The following CNTNAP2 variants were observed in gnomAD, a reference collection of about 807,000 sequenced individuals.
The protein encoded by CNTNAP2 is contactin-associated protein-like 2.
A neutral mutation model predicts 155.2 loss-of-function variants in CNTNAP2; 98 were observed. The observed-to-expected ratio is 0.63, with a 90% CI of 0.54 to 0.75. The LOEUF is 0.75. CNTNAP2 is among the 30% of genes least tolerant of loss of function. The pLI is 0.00. For missense variants in CNTNAP2, 1,727 were observed against 1,688.1 expected (o/e 1.02, Z -0.40); for synonymous variants, 651 against 631.2 (o/e 1.03, Z -0.47).
chr7:146,935,207 C>G (rs1796886834), intron 3 of CNTNAP2, among the ~76,000 whole-genome samples: 2 of 152,166 alleles, frequency 1.3e-5, no homozygotes, highest in African/African-American at 2.4e-5. Flanking sequence ...GACTTCTGTA[C>G]TATCTTGAGA....
intron 13 of CNTNAP2, among the ~76,000 whole-genome samples, chr7:147,740,215 G>T (rs1304094659): frequency 2.6e-5 from 4 of 152,172 alleles, no homozygotes; most frequent in Non-Finnish European, 5.9e-5. Context: ...TTGGTAATAT[G>T]CAAGGATTTT....
At chr7:147,945,906 G>A (rs1237723790) in intron 14 of CNTNAP2, among the ~76,000 whole-genome samples, 21 of 120,782 alleles carry the variant, frequency 1.7e-4, no homozygotes, top group African/African-American at 4.2e-4. Flanking sequence ...TTACTCTGTC[G>A]CCCCAGGCTG....
intron 11 of CNTNAP2, among the ~76,000 whole-genome samples, chr7:147,553,259 A>G (rs1402583901): frequency 1.3e-5 from 2 of 152,190 alleles, no homozygotes; most frequent in Non-Finnish European, 2.9e-5. Flanking sequence ...ACCAGTGCAG[A>G]TGAATAGAGA....
At chr7:147,510,885 T>C (rs1349404937) in intron 11 of CNTNAP2, among the ~76,000 whole-genome samples, 1 of 44,654 alleles carries the variant, frequency 2.2e-5, no homozygotes, top group African/African-American at 8.4e-5. Context: ...CTTCCTCATA[T>C]ATATATACAT....
chr7:146,350,914 C>T lies in CNTNAP2; in HGVS notation c.97+233941C>T, dbSNP rs559390687. Among the ~76,000 whole-genome samples, 6 of 151,482 alleles carry T rather than the reference C, an allele frequency of 4.0e-5. No individual in the cohort carries two copies. The South Asian group carries it at 8.4e-4, about 21-fold the overall frequency. On this transcript the variant is annotated intron_variant, in intron 1 of 23. Coordinates refer to ENST00000361727, the MANE Select transcript of CNTNAP2 (RefSeq NM_014141.6). Reference sequence around the variant, plus strand: ...TGAAACTGGAAACCATCATTCTCAGCAAACTATCGCAAGGACAAAAAACCA... The same window carrying T: ...TGAAACTGGAAACCATCATTCTCAGTAAACTATCGCAAGGACAAAAAACCA...
chr7:148,169,112 T>C (rs1585164215), intron 17 of CNTNAP2, among the ~76,000 whole-genome samples: 1 of 152,212 alleles, frequency 6.6e-6, no homozygotes, highest in East Asian at 1.9e-4. Flanking sequence ...CATATTGTTA[T>C]TAATCAATAA....
intron 1 of CNTNAP2, among the ~76,000 whole-genome samples, chr7:146,431,379 A>G (rs1796170565): frequency 6.6e-6 from 1 of 152,044 alleles, no homozygotes; most frequent in Admixed American, 6.6e-5. Flanking sequence ...CATTGATTTC[A>G]TTTAAGTCTC....
chr7:147,066,022 A>G (rs2129263956), intron 4 of CNTNAP2, among the ~76,000 whole-genome samples: 1 of 152,324 alleles, frequency 6.6e-6, no homozygotes. Flanking sequence ...AAAACAAAAC[A>G]AAACAAAACA....
At chr7:148,183,808 A>T (rs1795077061) in intron 18 of CNTNAP2, among the ~76,000 whole-genome samples, 1 of 152,136 alleles carries the variant, frequency 6.6e-6, no homozygotes, top group Non-Finnish European at 1.5e-5. Flanking sequence ...ATATTACAAA[A>T]TTGAATTGCT....
At chr7:147,193,089 A>G (rs1158762155) in intron 8 of CNTNAP2, among the ~76,000 whole-genome samples, 3 of 152,236 alleles carry the variant, frequency 2.0e-5, no homozygotes, top group Admixed American at 1.3e-4. Flanking sequence ...ATACTTAATT[A>G]TTCTTCACAA....
intron 1 of CNTNAP2, among the ~76,000 whole-genome samples, chr7:146,768,348 G>T (rs578183150): frequency 1.6e-4 from 24 of 151,850 alleles, no homozygotes; most frequent in South Asian, 8.3e-4. Context: ...TCAGGGTCTG[G>T]TGTCCCAACT....
intron 21 of CNTNAP2, among the ~76,000 whole-genome samples, chr7:148,381,784 C>T (rs1162936028): frequency 1.3e-5 from 2 of 152,206 alleles, no homozygotes; most frequent in Non-Finnish European, 2.9e-5. Flanking sequence ...CCTTTCTCTA[C>T]CATTGTATCA....
intron 1 of CNTNAP2, among the ~76,000 whole-genome samples, chr7:146,631,076 G>T (rs974885991): frequency 2.6e-5 from 4 of 151,756 alleles, no homozygotes; most frequent in Non-Finnish European, 4.4e-5. Context: ...ATTTCATATG[G>T]ACAAAAAAAG....
chr7:148,409,729 C>G lies in CNTNAP2; in HGVS notation c.3796+258C>G, dbSNP rs142102006. On this transcript the variant is annotated intron_variant, in intron 23 of 23. Coordinates refer to ENST00000361727, the MANE Select transcript of CNTNAP2 (RefSeq NM_014141.6). The stretch of plus-strand genomic sequence containing the variant: ...GTCAGGAATTCGAGACCAGCCTAGC[C>G]AACATGGCAAAACCCCATATCTACT... Among the ~76,000 whole-genome samples, 2,245 of 150,028 alleles carry G rather than the reference C, an allele frequency of 0.015. 56 individuals carry two copies. The highest frequency in any genetic ancestry group is 0.053 in the African/African-American group (2,140 of 40,380).
At chr7:147,370,194 C>T (rs189636623) in intron 9 of CNTNAP2, among the ~76,000 whole-genome samples, 1 of 152,302 alleles carries the variant, frequency 6.6e-6, no homozygotes, top group East Asian at 1.9e-4. Flanking sequence ...TAGTCATATG[C>T]ATGATTATAT....
intron 1 of CNTNAP2, among the ~76,000 whole-genome samples, chr7:146,721,327 A>G (rs1036263518): frequency 7.8e-6 from 1 of 128,480 alleles, no homozygotes; most frequent in Non-Finnish European, 1.6e-5. Flanking sequence ...TTCTATATAT[A>G]CATTCTATAT....
At chr7:148,034,961 C>T (rs746542679) in intron 15 of CNTNAP2, among the ~76,000 whole-genome samples, 1 of 152,186 alleles carries the variant, frequency 6.6e-6, no homozygotes, top group Non-Finnish European at 1.5e-5. Flanking sequence ...TGGCAAAGAA[C>T]TTGGCTGAAT....
At chr7:146,667,441 ATT>A (rs1194123071) in intron 1 of CNTNAP2, among the ~76,000 whole-genome samples, 1 of 151,490 alleles carries the variant, frequency 6.6e-6, no homozygotes, top group Non-Finnish European at 1.5e-5. Context: ...TTTGTTCAGG[ATT>A]TATTTGGCTA....
At chr7:147,585,749 G>A (rs377299783) in intron 12 of CNTNAP2, among the ~76,000 whole-genome samples, 1 of 142,624 alleles carries the variant, frequency 7.0e-6, no homozygotes, top group African/African-American at 2.8e-5. Flanking sequence ...CTAAAAGTGT[G>A]TGTGTGTCTG....
Sources: gnomAD v4.1 joint callset for allele counts (sites outside exome capture counted in the v4.1 genomes callset) on GRCh38, gnomAD v4.1.1 for gene constraint, MANE v1.5 for transcripts, NCBI Gene and HGNC (gene_info 2026-07-23, HGNC 2026-07-21) for gene names.